SLC35F4: variants seen among roughly 807,000 people sequenced by gnomAD.
SLC35F4 encodes solute carrier family 35 member F4.
In SLC35F4, 24 loss-of-function variants were observed where a neutral mutation model predicts 44.2. That is an observed-to-expected ratio of 0.54 (90% CI 0.39 to 0.76). The LOEUF is 0.76. Among genes scored for constraint, SLC35F4 ranks in the 30% least tolerant of loss-of-function variants. SLC35F4 has a pLI of 0.00. For synonymous variants in SLC35F4, 238 were observed against 223.6 expected, an observed-to-expected ratio of 1.06 and a Z score of -0.57; for missense variants, 562 against 586.1, an observed-to-expected ratio of 0.96 and a Z score of 0.42.
At chr14:57,815,334 C>T (rs539053187) in intron 1 of SLC35F4, among the ~76,000 whole-genome samples, 1 of 152,282 alleles carries the variant, frequency 6.6e-6, no homozygotes, top group East Asian at 1.9e-4. Flanking sequence ...ACATGATGCT[C>T]ATTAAAGAGA....
chr14:57,625,605 A>G (rs1199380134), intron 1 of SLC35F4, among the ~76,000 whole-genome samples: 1 of 152,198 alleles, frequency 6.6e-6, no homozygotes, highest in Non-Finnish European at 1.5e-5. Flanking sequence ...AAACAGACAT[A>G]TAGACCAATG....
intron 1 of SLC35F4, among the ~76,000 whole-genome samples, chr14:57,666,859 G>T (rs1303895025): frequency 1.3e-5 from 2 of 152,040 alleles, no homozygotes; most frequent in African/African-American, 4.8e-5. Flanking sequence ...TGGAGCCTGG[G>T]CTGGCTAGAC....
chr14:57,768,968 G>A (rs976218258), intron 1 of SLC35F4, among the ~76,000 whole-genome samples: 3 of 152,098 alleles, frequency 2.0e-5, no homozygotes, highest in African/African-American at 7.2e-5. Context: ...GGCCAGGCTG[G>A]TCTCAAACTC....
intron 1 of SLC35F4, among the ~76,000 whole-genome samples, chr14:57,893,404 C>G (rs777805784): frequency 1.3e-5 from 2 of 152,070 alleles, no homozygotes; most frequent in Non-Finnish European, 2.9e-5. Flanking sequence ...ATTTTTCATA[C>G]CGTTATGTAA....
rs144832428 is a variant in SLC35F4, at chr14:57,617,870, T to C, written c.104-23746A>G. On this transcript the variant is annotated intron_variant, in intron 1 of 7. Coordinates refer to ENST00000556826, the MANE Select transcript of SLC35F4 (RefSeq NM_001306087.2). ...TTACAGGTCGTGATAGTTTAGTTTTTAGTTTTGTTTTTCAAAAATTCATTG... is the reference window on the plus strand; with the variant it reads ...TTACAGGTCGTGATAGTTTAGTTTTCAGTTTTGTTTTTCAAAAATTCATTG... Among the ~76,000 whole-genome samples, 173 of 150,564 alleles carry C rather than the reference T, an allele frequency of 1.1e-3. 1 individual carries two copies. Among genetic ancestry groups the C allele is most frequent in the African/African-American group, 3.8e-3 (156 of 41,000 alleles).
intron 1 of SLC35F4, among the ~76,000 whole-genome samples, chr14:57,933,707 A>T (rs895318908): frequency 2.6e-5 from 4 of 152,200 alleles, no homozygotes; most frequent in Non-Finnish European, 5.9e-5. Flanking sequence ...AATATTGACA[A>T]AATGAAATAG....
At chr14:57,899,047 T>C (rs545289553) in intron 1 of SLC35F4, among the ~76,000 whole-genome samples, 1 of 152,244 alleles carries the variant, frequency 6.6e-6, no homozygotes, top group South Asian at 2.1e-4. Flanking sequence ...GTGGTGCCCG[T>C]GGGGACACAG....
At chr14:57,843,223 T>C (rs578014510) in intron 1 of SLC35F4, among the ~76,000 whole-genome samples, 1 of 152,324 alleles carries the variant, frequency 6.6e-6, no homozygotes, top group South Asian at 2.1e-4. Context: ...CCCTTTCATA[T>C]ATACATCTAT....
At chr14:57,776,890 G>A (rs1375007594) in intron 1 of SLC35F4, among the ~76,000 whole-genome samples, 1 of 152,108 alleles carries the variant, frequency 6.6e-6, no homozygotes, top group Non-Finnish European at 1.5e-5. Flanking sequence ...ATCCTTTTCA[G>A]ACAAGCAAAT....
chr14:57,851,842 A>C (rs1243225960), intron 1 of SLC35F4, among the ~76,000 whole-genome samples: 1 of 152,216 alleles, frequency 6.6e-6, no homozygotes, highest in Admixed American at 6.5e-5. Flanking sequence ...GAAAAGTGTT[A>C]ACTGAGTGAG....
intron 1 of SLC35F4, among the ~76,000 whole-genome samples, chr14:57,786,216 G>T (rs1016286082): frequency 1.3e-5 from 2 of 151,990 alleles, no homozygotes; most frequent in South Asian, 2.1e-4. Context: ...ACACAACTGC[G>T]GTGACTTAGG....
At chr14:57,818,118 C>T (rs961607103) in intron 1 of SLC35F4, among the ~76,000 whole-genome samples, 1 of 152,134 alleles carries the variant, frequency 6.6e-6, no homozygotes, top group Non-Finnish European at 1.5e-5. Flanking sequence ...TGGCAGAGGC[C>T]AGATGTTAGC....
chr14:57,587,643 G>T (rs2069849558), intron 3 of SLC35F4, among the ~76,000 whole-genome samples: 1 of 152,060 alleles, frequency 6.6e-6, no homozygotes, highest in African/African-American at 2.4e-5. Context: ...ACTAGGGGAG[G>T]GATAGCACTG....
chr14:57,734,175 T>C (rs561393907), intron 1 of SLC35F4, among the ~76,000 whole-genome samples: 19 of 150,246 alleles, frequency 1.3e-4, no homozygotes, highest in African/African-American at 3.4e-4. Flanking sequence ...TTTCACATTA[T>C]GGTACAGTGG....
intron 1 of SLC35F4, among the ~76,000 whole-genome samples, chr14:57,910,195 T>C (rs1594618749): frequency 6.6e-6 from 1 of 152,140 alleles, no homozygotes; most frequent in African/African-American, 2.4e-5. Context: ...ATATTTTGTA[T>C]ATCAGTCCTG....
At chr14:57,599,595 A>G (rs961080891) in intron 1 of SLC35F4, among the ~76,000 whole-genome samples, 4 of 152,048 alleles carry the variant, frequency 2.6e-5, no homozygotes, top group African/African-American at 9.7e-5. Flanking sequence ...TAATCCCAGC[A>G]CTTTGGGAAG....
At chr14:57,946,537 C>T (rs4600389) in intron 1 of SLC35F4, among the ~76,000 whole-genome samples, 2,841 of 142,786 alleles carry the variant, frequency 0.02, 101 homozygotes, top group African/African-American at 0.07. Context: ...TGCAGTGGCA[C>T]GATCTCCACT....
intron 1 of SLC35F4, among the ~76,000 whole-genome samples, chr14:57,806,861 C>T (rs888046576): frequency 6.6e-6 from 1 of 152,096 alleles, no homozygotes; most frequent in African/African-American, 2.4e-5. Context: ...CCAAAGCAAA[C>T]ATTTGGAAAA....
At chr14:57,978,248 T>A (rs550268946) in intron 1 of SLC35F4, among the ~76,000 whole-genome samples, 1 of 152,214 alleles carries the variant, frequency 6.6e-6, no homozygotes, top group South Asian at 2.1e-4. Flanking sequence ...CTATAGAGCA[T>A]CATCCCTTTC....
Sources: allele counts gnomAD v4.1 joint callset (sites outside exome capture counted in the v4.1 genomes callset), GRCh38; gene constraint gnomAD v4.1.1; transcripts MANE v1.5; gene names NCBI Gene and HGNC (gene_info 2026-07-23, HGNC 2026-07-21).